CAPN15: variants seen among roughly 807,000 people sequenced by gnomAD.
CAPN15 encodes calpain 15.
CAPN15 carries 53 observed loss-of-function variants against 97.9 expected under a neutral mutation model. That is an observed-to-expected ratio of 0.54 (90% CI 0.43 to 0.68). The LOEUF (loss-of-function observed/expected upper bound fraction) is 0.68, where lower values mean the gene tolerates loss of function less well. Among genes scored for constraint, CAPN15 ranks in the 30% least tolerant of loss-of-function variants. The pLI, the probability that CAPN15 is intolerant of heterozygous loss-of-function variation, is 0.00. For missense variants in CAPN15, 1,592 were observed against 1,589.8 expected, an observed-to-expected ratio of 1.00 and a Z score of -0.02; for synonymous variants, 922 against 722.5, an observed-to-expected ratio of 1.28 and a Z score of -4.43.
chr16:545,615 G>A (rs1270126149), intron 3 of CAPN15, among the ~76,000 whole-genome samples: 5 of 152,216 alleles, frequency 3.3e-5, no homozygotes, highest in Non-Finnish European at 5.9e-5. Flanking sequence ...GACACACCCC[G>A]CTGGCGATTG....
Position 551,891 on chromosome 16 carries a change from A to T in CAPN15, c.2346-160A>T, listed in dbSNP as rs138655264. 1.7e-4 allele frequency: 168 copies of T among 970,544 alleles called. 1 individual carries two copies. The African/African-American group carries it at 2.5e-3, about 14-fold the overall frequency. 60.1% of individuals were successfully genotyped at this position (970,544 alleles called of 1,614,324 possible). ...AGCCGGCCCTGGAGGGCTTCCTATT[A>T]TAGGCCTCAGGGATGGGCCCCCGGG... On this transcript the variant is annotated intron_variant, in intron 9 of 13. Transcript: ENST00000219611.
At chr16:530,027 T>A (rs2033137356) in intron 1 of CAPN15, among the ~76,000 whole-genome samples, 1 of 152,230 alleles carries the variant, frequency 6.6e-6, no homozygotes, top group South Asian at 2.1e-4. Context: ...TGGGACTTGT[T>A]CTCTGCCTAA....
Position 554,395 on chromosome 16 carries a change from C to T in CAPN15, c.*879C>T. 1 of 417,186 alleles carries T rather than the reference C, an allele frequency of 2.4e-6. No individual in the cohort carries two copies. The highest frequency in any genetic ancestry group is 4.8e-6 in the Non-Finnish European group (1 of 208,346). The allele number at this position is 417,186 out of a possible 1,614,324, so 25.8% of individuals were successfully genotyped here. A position where few individuals can be genotyped will look rare whatever the true frequency, so the allele number is the denominator to read the frequency against. Reference sequence around the variant, plus strand: ...CCCGGCAGCGGGCCGGCCTCGCCCCCACTCCCCCTCCTACCCCGGCAGGGG... The same window carrying T: ...CCCGGCAGCGGGCCGGCCTCGCCCCTACTCCCCCTCCTACCCCGGCAGGGG... On this transcript the variant is annotated 3_prime_UTR_variant, in exon 14 of 14. Coordinates refer to ENST00000219611, the MANE Select transcript of CAPN15 (RefSeq NM_005632.3).
intron 3 of CAPN15, 48 bp downstream of exon 3, chr16:536,190 C>A: frequency 1.9e-6 from 1 of 528,516 alleles, no homozygotes; most frequent in Non-Finnish European, 2.4e-6. Context: ...CAGGCCCTGT[C>A]CCTGCTGTCC....
chr16:552,875 A>T lies in CAPN15; in HGVS notation c.2917A>T (p.Met973Leu). The T allele has an allele frequency of 6.6e-7, 1 of 1,522,652 alleles. No individual in the cohort carries two copies. The highest frequency in any genetic ancestry group is 8.9e-7 in the Non-Finnish European group (1 of 1,124,870). The allele number at this position is 1,522,652 out of a possible 1,614,324, so 94.3% of individuals were successfully genotyped here. The change falls in exon 13 of 14, where the codon ATG becomes TTG. Residue 973 changes from methionine to leucine, a missense_variant. This residue lies in a region of CAPN15 where 644 missense variants were observed against 699.6 expected (regional missense o/e 0.92). Transcript: ENST00000219611. The surrounding 1 kb of genome is among the most constrained non-coding windows in gnomAD (Gnocchi z 6.4). ...TTCCTGTGCCCAGGGCCGTGAGGGC[A>T]TGACCTGCTACTACCTGACACACGG... ...RGERHEGREG[M>L]TCYYLTHGWA...
At chr16:551,106 C>A (rs1283152069) in intron 7 of CAPN15, among the ~76,000 whole-genome samples, 196 bp from the exon 8 acceptor site, 21 of 35,226 alleles carry the variant, frequency 6.0e-4, no homozygotes, top group Non-Finnish European at 9.8e-4. Flanking sequence ...CGGTGAGGGT[C>A]CCCGGTCGGT....
chr16:552,470 G>T lies in CAPN15; in HGVS notation c.2677G>T (p.Val893Leu). Residue 893 changes from valine (V) to leucine (L), a missense_variant, in exon 11 of 14, where the codon GTG becomes TTG. By Grantham distance (32) the Val-to-Leu change is conservative. Around this residue, in one of 3 missense-constraint regions of CAPN15, gnomAD observed 644 missense variants for 699.6 expected, o/e 0.92. Transcript: ENST00000219611. The surrounding 1 kb of genome is among the most constrained non-coding windows in gnomAD (Gnocchi z 6.4). ...CATGCTGGAGCCTGGCGAGTACGCT[G>T]TGGTGTGCTGCGCCTTCAACCACTG... ...DVMLEPGEYA[V>L]VCCAFNHWGP... 3 of 1,609,224 alleles carry T rather than the reference G, an allele frequency of 1.9e-6. No individual in the cohort carries two copies. The highest frequency in any genetic ancestry group is 2.5e-6 in the Non-Finnish European group (3 of 1,179,644).
chr16:546,329 C>G (rs1322257286), intron 3 of CAPN15, among the ~76,000 whole-genome samples: 1 of 152,242 alleles, frequency 6.6e-6, no homozygotes, highest in Non-Finnish European at 1.5e-5. Flanking sequence ...GGCAGAGCAG[C>G]CAGTCTGTCT....
In CAPN15 at chr16:533,998, G is replaced by C; in HGVS notation, c.-137G>C. The C allele has an allele frequency of 4.1e-6, 4 of 985,366 alleles. No individual in the cohort carries two copies. Among genetic ancestry groups the C allele is most frequent in the Non-Finnish European group, 4.8e-6 (4 of 829,838 alleles). 61.0% of individuals were successfully genotyped at this position (985,366 alleles called of 1,614,324 possible). On this transcript the variant is annotated splice_region_variant and 5_prime_UTR_variant, in exon 2 of 14. Transcript: ENST00000219611. The stretch of plus-strand genomic sequence containing the variant: ...GGCCTGGGAGCTTGCTGCAGCTTCA[G>C]GTGAGTTTGTTCCCAAGCCCTGCGG...
At chr16:545,454 G>A (rs951059306) in intron 3 of CAPN15, among the ~76,000 whole-genome samples, 11 of 152,166 alleles carry the variant, frequency 7.2e-5, no homozygotes, top group Admixed American at 2.0e-4. Flanking sequence ...CAGAAGGGCC[G>A]TGGCCTGCCT....
intron 1 of CAPN15, among the ~76,000 whole-genome samples, chr16:529,080 G>A (rs749365929): frequency 6.6e-6 from 1 of 152,126 alleles, no homozygotes; most frequent in Admixed American, 6.5e-5. Flanking sequence ...GCTTGGCCTG[G>A]CCTTGGGTTG....
chr16:530,196 G>T (rs991341971), intron 1 of CAPN15, among the ~76,000 whole-genome samples: 1 of 152,196 alleles, frequency 6.6e-6, no homozygotes, highest in Non-Finnish European at 1.5e-5. Flanking sequence ...CTGGTCCCTG[G>T]CTCCCCACTG....
intron 1 of CAPN15, among the ~76,000 whole-genome samples, chr16:530,981 C>T (rs1381774004): frequency 2.6e-5 from 4 of 152,230 alleles, no homozygotes; most frequent in Non-Finnish European, 5.9e-5. Context: ...TGTCAGATTC[C>T]CTGAGGTCAA....
At position 544,356 on chromosome 16, in the gene CAPN15, C is replaced by T. The variant is rs1056124966; in HGVS notation, c.-22-2461C>T. 7.9e-5 allele frequency among the ~76,000 whole-genome samples: 12 copies of T among 152,174 alleles called. 1 individual carries two copies. In the East Asian group the frequency reaches 1.2e-3, roughly 15 times the overall value. ...GGGCATCTGTGTTTCTCGGTGTGGC[C>T]TCAGGGCTCTGGTGGCTTTGACCGA... is the stretch of plus-strand genomic sequence containing the variant. On this transcript the variant is annotated intron_variant, in intron 3 of 13. Transcript: ENST00000219611.
Position 553,000 on chromosome 16 carries a change from C to G in CAPN15, c.3042C>G (p.Arg1014=). 1 of 1,609,666 alleles carries G rather than the reference C, an allele frequency of 6.2e-7. No individual in the cohort carries two copies. The highest frequency in any genetic ancestry group is 1.1e-5 in the South Asian group (1 of 90,814). Residue 1014 remains arginine (R), a synonymous_variant, in exon 13 of 14, where the codon CGC becomes CGG. Coordinates refer to ENST00000219611, the MANE Select transcript of CAPN15 (RefSeq NM_005632.3). This position sits in a 1 kb window ranked among gnomAD's most constrained non-coding sequence, Gnocchi z 6.4. ...CTDSFNVVST[R]GSLRTQDSVP... ...ACAGCTTCAACGTGGTGTCCACACG[C>G]GGCAGCCTGCGTACCCAGGATAGCG...
chr16:533,482 C>G (rs1291562857), intron 1 of CAPN15, among the ~76,000 whole-genome samples: 1 of 152,174 alleles, frequency 6.6e-6, no homozygotes, highest in Non-Finnish European at 1.5e-5. Flanking sequence ...GGCCACCTGG[C>G]TGTGTGCCTG....
At position 547,080 on chromosome 16, in the gene CAPN15, C is replaced by G. The variant is rs768909338; in HGVS notation, c.242C>G (p.Pro81Arg). Reference sequence around the variant, plus strand: ...CCTGCGCCTGGGGCTGCCTTCCTGCCAGTCCTCAACGGGGTCCTCCCCAAG... The same window carrying G: ...CCTGCGCCTGGGGCTGCCTTCCTGCGAGTCCTCAACGGGGTCCTCCCCAAG... Reference protein sequence around the residue: ...PEPAPGAAFLPVLNGVLPKPP... With the variant: ...PEPAPGAAFLRVLNGVLPKPP... The change falls in exon 4 of 14, where the codon CCA becomes CGA. Residue 81 changes from proline (P) to arginine (R), a missense_variant. Pro to Arg is a moderately radical substitution (Grantham distance 103, BLOSUM62 -2). This residue lies in a region of CAPN15 where 883 missense variants were observed against 776.6 expected (regional missense o/e 1.14). Transcript: ENST00000219611. The G allele has an allele frequency of 3.6e-5, 57 of 1,596,532 alleles. No individual in the cohort carries two copies. The highest frequency in any genetic ancestry group is 4.5e-5 in the Non-Finnish European group (53 of 1,173,296).
chr16:537,178 G>T (rs2033794484), intron 3 of CAPN15: 1 of 985,376 alleles, frequency 1.0e-6, no homozygotes, highest in African/African-American at 1.7e-5. Flanking sequence ...GGACTGTGCT[G>T]TCCCTGCTCT....
At chr16:537,204 C>T in intron 3 of CAPN15, 4 of 985,356 alleles carry the variant, frequency 4.1e-6, no homozygotes, top group Non-Finnish European at 3.6e-6. Context: ...GACAGGCCTC[C>T]CTCCTGTCCA....
Sources: gnomAD v4.1 joint callset for allele counts (sites outside exome capture counted in the v4.1 genomes callset) on GRCh38, gnomAD v4.1.1 for gene constraint, gnomAD v4.1.1 regional missense constraint, Gnocchi (gnomAD v3.1) non-coding constraint, MANE v1.5 for transcripts, NCBI Gene and HGNC (gene_info 2026-07-23, HGNC 2026-07-21) for gene names.